RHPN2: variants seen among roughly 807,000 people sequenced by gnomAD.
RHPN2 encodes the protein rhophilin Rho GTPase binding protein 2.
Under a neutral mutation model 79.0 loss-of-function variants are expected in RHPN2, and 40 were observed. That is an observed-to-expected ratio of 0.51 (90% confidence interval 0.39 to 0.66). RHPN2 has a LOEUF of 0.66. RHPN2 is among the 30% of genes least tolerant of loss of function. The pLI is 0.00. For missense variants in RHPN2, 686 were observed against 883.5 expected (o/e 0.78, Z 2.83); for synonymous variants, 285 against 363.5 (o/e 0.78, Z 2.46).
intron 1 of RHPN2, among the ~76,000 whole-genome samples, chr19:33,044,654 A>G (rs1049815986): frequency 6.6e-6 from 1 of 152,206 alleles, no homozygotes; most frequent in African/African-American, 2.4e-5. Flanking sequence ...GAACTTTGGA[A>G]GGCCAAGGCG....
chr19:32,993,390 C>T (rs1430190063), intron 12 of RHPN2, among the ~76,000 whole-genome samples: 1 of 152,120 alleles, frequency 6.6e-6, no homozygotes, highest in Admixed American at 6.6e-5. Flanking sequence ...TGGAGAATCA[C>T]TTGAACCTGG....
At chr19:33,023,185 A>G (rs748349165) in intron 3 of RHPN2, among the ~76,000 whole-genome samples, 3 of 152,162 alleles carry the variant, frequency 2.0e-5, no homozygotes, top group Non-Finnish European at 4.4e-5. Flanking sequence ...CCATAATCCC[A>G]TCACTTTAGG....
At chr19:33,011,562 T>A in intron 6 of RHPN2, 117 bp downstream of exon 6, 1 of 1,226,982 alleles carries the variant, frequency 8.2e-7, no homozygotes. Flanking sequence ...AAATGCAAGA[T>A]AGGAAAGGGG....
chr19:33,022,219 A>AT (rs1393602811), intron 3 of RHPN2, among the ~76,000 whole-genome samples: 1 of 152,138 alleles, frequency 6.6e-6, no homozygotes, highest in East Asian at 1.9e-4. Flanking sequence ...ATGTGCTGGG[A>AT]TGACGGGCGT....
intron 4 of RHPN2, among the ~76,000 whole-genome samples, chr19:33,019,368 T>A (rs1031905117): frequency 2.0e-5 from 3 of 150,542 alleles, no homozygotes; most frequent in African/African-American, 7.3e-5. Context: ...TCACCTGTGG[T>A]CAGGAGTTCG....
chr19:33,063,961 T>G (rs1313357377), intron 1 of RHPN2, among the ~76,000 whole-genome samples: 1 of 151,938 alleles, frequency 6.6e-6, no homozygotes, highest in African/African-American at 2.4e-5. Flanking sequence ...CGGAGGAGGG[T>G]GCAACGCCGG....
In RHPN2 at chr19:32,993,963, A is replaced by C. The variant is rs1184776816; in HGVS notation, c.1497+14T>G. ...CCCCTTAGGTCATTTGAATGTAGAG[A>C]GCATTCAACATACCAGCTTCTGGAA... On this transcript the variant is annotated intron_variant, in intron 12 of 14. Transcript: ENST00000254260. The C allele has an allele frequency of 1.9e-6, 3 of 1,581,616 alleles. No homozygotes were observed. Among genetic ancestry groups the C allele is most frequent in the Non-Finnish European group, 2.6e-6 (3 of 1,150,650 alleles).
intron 2 of RHPN2, among the ~76,000 whole-genome samples, chr19:33,030,716 C>G (rs1240621611): frequency 6.6e-6 from 1 of 152,212 alleles, no homozygotes; most frequent in Non-Finnish European, 1.5e-5. Flanking sequence ...CCAGCATAGT[C>G]TAGTCTACTC....
chr19:33,033,497 C>T (rs1972028690), intron 2 of RHPN2, among the ~76,000 whole-genome samples: 1 of 152,060 alleles, frequency 6.6e-6, no homozygotes, highest in South Asian at 2.1e-4. Flanking sequence ...ACCTGGGAAG[C>T]GAAGATTGCA....
Position 33,002,294 on chromosome 19 carries a change from G to T in RHPN2, c.1058C>A (p.Ala353Glu). 3 of 1,610,790 alleles carry T rather than the reference G, an allele frequency of 1.9e-6. No homozygotes were observed. The highest frequency in any genetic ancestry group is 2.5e-6 in the Non-Finnish European group (3 of 1,177,886). The change falls in exon 9 of 15, where the codon GCG (alanine) becomes GAG (glutamate). Residue 353 changes from alanine (A) to glutamate (E), a missense_variant. Physicochemically the swap from Ala to Glu is moderately radical, Grantham distance 107. Coordinates refer to ENST00000254260, the MANE Select transcript of RHPN2 (RefSeq NM_033103.5). ...SLACVKAHHYAALAHYFTAIL... is the reference protein window; with the variant it reads ...SLACVKAHHYEALAHYFTAIL... ...GGCAGTGAAGTAGTGGGCCAGGGCC[G>T]CGTAGTGGTGGGCCTTCACGCAGGC...
At chr19:33,034,211 G>A (rs937634431) in intron 2 of RHPN2, among the ~76,000 whole-genome samples, 1 of 151,724 alleles carries the variant, frequency 6.6e-6, no homozygotes, top group Non-Finnish European at 1.5e-5. Context: ...GGTGGCTCAC[G>A]CCTGTAACCC....
chr19:33,000,464 C>T (rs1431860366), intron 9 of RHPN2, among the ~76,000 whole-genome samples: 2 of 151,366 alleles, frequency 1.3e-5, no homozygotes, highest in Non-Finnish European at 2.9e-5. Flanking sequence ...ACACCGATTT[C>T]GGCCTCCCAA....
chr19:33,048,800 C>T (rs1263833084), intron 1 of RHPN2, among the ~76,000 whole-genome samples: 1 of 148,938 alleles, frequency 6.7e-6, no homozygotes, highest in African/African-American at 2.5e-5. Context: ...AACTGTTCAT[C>T]TCTTTCCTTT....
At chr19:33,008,233 T>A in intron 6 of RHPN2, 53 bp from the exon 7 acceptor site, 4 of 1,480,816 alleles carry the variant, frequency 2.7e-6, no homozygotes, top group African/African-American at 1.4e-5. Context: ...TAGTTAATGC[T>A]ACAAGTGGAA....
At chr19:33,014,906 C>T (rs947965552) in intron 4 of RHPN2, among the ~76,000 whole-genome samples, 1 of 151,970 alleles carries the variant, frequency 6.6e-6, no homozygotes, top group African/African-American at 2.4e-5. Flanking sequence ...GCATGGACAA[C>T]ACAGTGAAAC....
chr19:33,024,059 C>T (rs182369983), intron 3 of RHPN2, among the ~76,000 whole-genome samples: 1 of 152,188 alleles, frequency 6.6e-6, no homozygotes, highest in African/African-American at 2.4e-5. Flanking sequence ...GAACCTGAAC[C>T]TTTTGGACAA....
intron 3 of RHPN2, among the ~76,000 whole-genome samples, 192 bp downstream of exon 3, chr19:33,026,312 T>C (rs1971966178): frequency 6.6e-6 from 1 of 151,988 alleles, no homozygotes; most frequent in South Asian, 2.1e-4. Context: ...TGCAGGTATT[T>C]CCCAACAAAT....
chr19:32,989,186 T>A (rs1292371588), intron 14 of RHPN2, among the ~76,000 whole-genome samples: 1 of 152,144 alleles, frequency 6.6e-6, no homozygotes, highest in Non-Finnish European at 1.5e-5. Context: ...CTCCACTCAC[T>A]GCAACCTCCA....
intron 2 of RHPN2, among the ~76,000 whole-genome samples, chr19:33,036,914 C>T (rs1568322740): frequency 6.6e-6 from 1 of 151,750 alleles, no homozygotes; most frequent in African/African-American, 2.4e-5. Context: ...CCCGAGCCTC[C>T]CCGACGAGCG....
Sources: allele counts gnomAD v4.1 joint callset (sites outside exome capture counted in the v4.1 genomes callset), GRCh38; gene constraint gnomAD v4.1.1; transcripts MANE v1.5; gene names NCBI Gene and HGNC (gene_info 2026-07-23, HGNC 2026-07-21).